Variants in CDH18 observed in about 807,000 individuals in gnomAD.
CDH18 encodes the protein cadherin 18.
Under a neutral mutation model 67.9 loss-of-function variants are expected in CDH18, and 31 were observed. The observed-to-expected ratio is 0.46, with a 90% confidence interval of 0.34 to 0.62. The LOEUF (loss-of-function observed/expected upper bound fraction) is 0.62, where lower values mean the gene tolerates loss of function less well. CDH18 is among the 20% of genes least tolerant of loss of function. CDH18 has a pLI of 0.01. For missense variants in CDH18, 890 were observed against 975.5 expected (o/e 0.91, Z 1.17); for synonymous variants, 362 against 347.2 (o/e 1.04, Z -0.48).
chr5:19,800,008 C>T (rs1777285759), intron 3 of CDH18, among the ~76,000 whole-genome samples: 1 of 152,038 alleles, frequency 6.6e-6, no homozygotes, highest in African/African-American at 2.4e-5. Flanking sequence ...ATTTAAACTT[C>T]CCACAAAGTA....
chr5:20,114,870 A>T (rs1205521958), intron 2 of CDH18, among the ~76,000 whole-genome samples: 2 of 152,176 alleles, frequency 1.3e-5, no homozygotes, highest in African/African-American at 2.4e-5. Flanking sequence ...ATATAAAAAA[A>T]ATCCAGTAAT....
chr5:20,494,799 T>C (rs1170301123), intron 1 of CDH18, among the ~76,000 whole-genome samples: 2 of 152,052 alleles, frequency 1.3e-5, no homozygotes, highest in East Asian at 3.9e-4. Context: ...GGAGTGGGGA[T>C]ATCCCTACAG....
At chr5:19,516,612 C>T (rs1023516576) in intron 10 of CDH18, among the ~76,000 whole-genome samples, 1 of 152,054 alleles carries the variant, frequency 6.6e-6, no homozygotes, top group African/African-American at 2.4e-5. Context: ...TCCATTTCTT[C>T]TAGATTTTCT....
intron 1 of CDH18, among the ~76,000 whole-genome samples, chr5:20,428,651 T>C (rs1748504636): frequency 6.6e-6 from 1 of 152,196 alleles, no homozygotes; most frequent in Non-Finnish European, 1.5e-5. Context: ...TGGCGTGAGA[T>C]GGTATCTCGT....
chr5:19,490,097 G>GA (rs1356711435), intron 11 of CDH18, among the ~76,000 whole-genome samples: 13 of 147,514 alleles, frequency 8.8e-5, no homozygotes, highest in South Asian at 2.1e-4. Flanking sequence ...AGTTAAAACA[G>GA]AAAAAAAAAC....
chr5:19,573,573 C>T (rs773341798), intron 7 of CDH18, among the ~76,000 whole-genome samples: 9 of 151,642 alleles, frequency 5.9e-5, no homozygotes, highest in East Asian at 2.0e-4. Flanking sequence ...CCACCATGCC[C>T]GGCCGAGGAG....
chr5:19,642,409 C>T, intron 5 of CDH18, among the ~76,000 whole-genome samples: 1 of 151,942 alleles, frequency 6.6e-6, no homozygotes, highest in South Asian at 2.1e-4. Flanking sequence ...AACTAACATG[C>T]TCTCTGATTT....
At chr5:19,848,705 G>A (rs2150064247) in intron 2 of CDH18, among the ~76,000 whole-genome samples, 1 of 151,950 alleles carries the variant, frequency 6.6e-6, no homozygotes, top group African/African-American at 2.4e-5. Context: ...GATTAAAAGA[G>A]GTAATGTAGG....
At chr5:20,327,046 A>T (rs1738665836) in intron 1 of CDH18, among the ~76,000 whole-genome samples, 1 of 152,182 alleles carries the variant, frequency 6.6e-6, no homozygotes. Context: ...TTCTATTTGC[A>T]GATATGTAGC....
intron 2 of CDH18, among the ~76,000 whole-genome samples, chr5:20,191,408 TA>T (rs925361347): frequency 5.9e-5 from 9 of 151,936 alleles, no homozygotes; most frequent in Admixed American, 2.6e-4. Flanking sequence ...TTATTTCCTC[TA>T]AAAAAAAGAT....
At chr5:20,496,779 C>T (rs970896098) in intron 1 of CDH18, among the ~76,000 whole-genome samples, 5 of 152,058 alleles carry the variant, frequency 3.3e-5, no homozygotes, top group Non-Finnish European at 7.4e-5. Context: ...GTTCTCCATG[C>T]AATCAAACAC....
At position 20,470,207 on chromosome 5, in the gene CDH18, A is replaced by G. The variant is rs62355174; in HGVS notation, c.-580+105255T>C. The stretch of plus-strand genomic sequence containing the variant: ...ATATTTTTCTCTTCCATCAAAATCA[A>G]GCATACATTCCATGGTAAGGTGTTT... On this transcript the variant is annotated intron_variant, in intron 1 of 14. Coordinates refer to the CDH18 transcript ENST00000507958. 8.6e-3 allele frequency among the ~76,000 whole-genome samples: 1,307 copies of G among 152,224 alleles called. 10 individuals carry two copies. Among genetic ancestry groups the G allele is most frequent in the Non-Finnish European group, 0.013 (898 of 68,010 alleles).
At chr5:20,010,429 G>A (rs1238884199) in intron 2 of CDH18, among the ~76,000 whole-genome samples, 3 of 151,912 alleles carry the variant, frequency 2.0e-5, no homozygotes, top group African/African-American at 4.8e-5. Context: ...GGCTGTTCTT[G>A]AACTCCTGGC....
chr5:19,553,794 C>T (rs1737893576), intron 8 of CDH18, among the ~76,000 whole-genome samples: 1 of 151,820 alleles, frequency 6.6e-6, no homozygotes, highest in South Asian at 2.1e-4. Context: ...GTGTATGCCA[C>T]CCTAATTTTT....
At chr5:19,637,240 A>G (rs1753291454) in intron 5 of CDH18, among the ~76,000 whole-genome samples, 1 of 146,950 alleles carries the variant, frequency 6.8e-6, no homozygotes, top group African/African-American at 2.5e-5. Flanking sequence ...TATTTATTGC[A>G]CAGAGTATGT....
At chr5:19,997,889 T>G (rs542231814) in intron 2 of CDH18, among the ~76,000 whole-genome samples, 5 of 152,256 alleles carry the variant, frequency 3.3e-5, no homozygotes, top group South Asian at 4.1e-4. Context: ...AGAGCTAAGT[T>G]GGACAATAAA....
intron 3 of CDH18, among the ~76,000 whole-genome samples, chr5:19,778,478 T>C (rs1473217321): frequency 6.6e-6 from 1 of 152,174 alleles, no homozygotes; most frequent in African/African-American, 2.4e-5. Flanking sequence ...TATGAACTTA[T>C]AAATGACCTT....
chr5:20,213,481 G>A (rs1740517280), intron 2 of CDH18, among the ~76,000 whole-genome samples: 1 of 152,052 alleles, frequency 6.6e-6, no homozygotes, highest in African/African-American at 2.4e-5. Context: ...TGTACATTCA[G>A]TAAACTTCAG....
chr5:19,843,803 C>G (rs1358014941), intron 2 of CDH18, among the ~76,000 whole-genome samples: 2 of 152,166 alleles, frequency 1.3e-5, no homozygotes, highest in African/African-American at 4.8e-5. Flanking sequence ...ATCTGTGTGC[C>G]CTGCATGTGA....
Sources: allele counts gnomAD v4.1 joint callset (sites outside exome capture counted in the v4.1 genomes callset), GRCh38; gene constraint gnomAD v4.1.1; transcripts MANE v1.5; gene names NCBI Gene and HGNC (gene_info 2026-07-23, HGNC 2026-07-21).